Variants in KIF13A observed in about 807,000 individuals in gnomAD.
KIF13A encodes kinesin-like protein KIF13A.
A neutral mutation model predicts 212.2 loss-of-function variants in KIF13A; 79 were observed. The observed-to-expected ratio is 0.37, with a 90% CI of 0.31 to 0.45. The LOEUF is 0.45. KIF13A is among the 20% of genes least tolerant of loss of function. The pLI is 1.00. For missense variants in KIF13A, 1,901 were observed against 2,209.0 expected (o/e 0.86, Z 2.79); for synonymous variants, 789 against 808.6 (o/e 0.98, Z 0.41).
rs1774839373 is a variant in KIF13A at position 17,919,372 on chromosome 6, CAA to C, written c.147-21194_147-21193del. ...TAAAATAAGACCATTGAGAGAATTT[CAA>C]AAGTTATATTAATGTCTGATCCAAC... On this transcript the variant is annotated intron_variant, in intron 2 of 38. Transcript: ENST00000259711. The surrounding 1 kb of genome is among the most constrained non-coding windows in gnomAD (Gnocchi z 4.1). Among the ~76,000 whole-genome samples the C allele has an allele frequency of 6.6e-6, 1 of 152,154 alleles. No individual in the cohort carries two copies. The highest frequency in any genetic ancestry group is 6.5e-5 in the Admixed American group (1 of 15,282).
chr6:17,953,511 G>A (rs935157450), intron 2 of KIF13A: 2 of 152,244 alleles, frequency 1.3e-5, no homozygotes, highest in Non-Finnish European at 2.9e-5. Flanking sequence ...CCTCCACCAA[G>A]TTCAGAGGCA....
At chr6:17,937,156 C>T (rs892659626) in intron 2 of KIF13A, among the ~76,000 whole-genome samples, 11 of 152,078 alleles carry the variant, frequency 7.2e-5, no homozygotes, top group Admixed American at 7.2e-4. Flanking sequence ...CTAGCCTGGG[C>T]GACATAGTGA....
At chr6:17,802,794 G>A (rs1762577497) in intron 20 of KIF13A, among the ~76,000 whole-genome samples, 1 of 151,934 alleles carries the variant, frequency 6.6e-6, no homozygotes, top group South Asian at 2.1e-4. Context: ...CCAGGCTGGG[G>A]TGCATTGGTA....
At chr6:17,964,967 G>C (rs1168738983) in intron 2 of KIF13A, among the ~76,000 whole-genome samples, 3 of 151,952 alleles carry the variant, frequency 2.0e-5, no homozygotes, top group African/African-American at 7.2e-5. Flanking sequence ...GATTACAAGC[G>C]CCTGCCACCA....
chr6:17,938,549 C>T (rs777029854), intron 2 of KIF13A, among the ~76,000 whole-genome samples: 13 of 152,108 alleles, frequency 8.5e-5, no homozygotes, highest in Non-Finnish European at 1.9e-4. Flanking sequence ...TATTATATTG[C>T]GGCAGCCTGG....
In KIF13A at chr6:17,967,073, A is replaced by G. The variant is rs948295738; in HGVS notation, c.146+19981T>C. Among the ~76,000 whole-genome samples, 2 of 152,210 alleles carry G rather than the reference A, an allele frequency of 1.3e-5. No homozygotes were observed. Among genetic ancestry groups the G allele is most frequent in the Non-Finnish European group, 2.9e-5 (2 of 68,052 alleles). The stretch of plus-strand genomic sequence containing the variant: ...ACTCTATTCCCTTTTGGTATTATGC[A>G]CTTTCTCAGGGGAAAAGTAATCCGA... On this transcript the variant is annotated intron_variant, in intron 2 of 38. Transcript: ENST00000259711. This position sits in a 1 kb window ranked among gnomAD's most constrained non-coding sequence, Gnocchi z 4.1.
In KIF13A at chr6:17,968,463, C is replaced by G. The variant is rs998613940; in HGVS notation, c.146+18591G>C. 1.3e-5 allele frequency among the ~76,000 whole-genome samples: 2 copies of G among 152,188 alleles called. No homozygotes were observed. Among genetic ancestry groups the G allele is most frequent in the African/African-American group, 4.8e-5 (2 of 41,442 alleles). On this transcript the variant is annotated intron_variant, in intron 2 of 38. Coordinates refer to ENST00000259711, the MANE Select transcript of KIF13A (RefSeq NM_022113.6). The surrounding 1 kb of genome is among the most constrained non-coding windows in gnomAD (Gnocchi z 4.7). ...TTGGTGTAGGGTCCATTCATCCAGT[C>G]TGGGACCACACACCACCTCTGGGTG...
Position 17,921,435 on chromosome 6 carries a change from G to A in KIF13A, c.147-23255C>T, listed in dbSNP as rs181078530. On this transcript the variant is annotated intron_variant, in intron 2 of 38. Coordinates refer to ENST00000259711, the MANE Select transcript of KIF13A (RefSeq NM_022113.6). ...ATGAAGGAGGAAAAACATACTCAGA[G>A]ACCTACTTTTAAAAATGTCAGAGGA... 1.4e-4 allele frequency among the ~76,000 whole-genome samples: 22 copies of A among 152,326 alleles called. No homozygotes were observed. The East Asian group carries it at 4.2e-3, about 29-fold the overall frequency.
chr6:17,789,991 C>T lies in KIF13A; in HGVS notation c.3223-81G>A. 4 of 1,123,244 alleles carry T rather than the reference C, an allele frequency of 3.6e-6. No homozygotes were observed. The South Asian group carries it at 5.4e-5, about 15-fold the overall frequency. The allele number at this position is 1,123,244 out of a possible 1,614,324, so 69.6% of individuals were successfully genotyped here. A position where few individuals can be genotyped will look rare whatever the true frequency, so the allele number is the denominator to read the frequency against. ...AGGGAAAATAATTATTTAAGCTTAACACACATTAAAATGGACAGCTTACCT... is the reference window on the plus strand; with the variant it reads ...AGGGAAAATAATTATTTAAGCTTAATACACATTAAAATGGACAGCTTACCT... On this transcript the variant is annotated intron_variant, in intron 25 of 38. Transcript: ENST00000259711. The surrounding 1 kb of genome is among the most constrained non-coding windows in gnomAD (Gnocchi z 4.8).
chr6:17,932,777 G>A (rs536130905), intron 2 of KIF13A, among the ~76,000 whole-genome samples: 7 of 150,412 alleles, frequency 4.7e-5, no homozygotes, highest in Non-Finnish European at 1.0e-4. Flanking sequence ...GGGTTGAAGC[G>A]AGGAGGAAGT....
Position 17,862,902 on chromosome 6 carries a change from C to T in KIF13A, c.221-6780G>A, listed in dbSNP as rs796090509. 8.5e-5 allele frequency among the ~76,000 whole-genome samples: 13 copies of T among 152,262 alleles called. 1 individual carries two copies. The highest frequency in any genetic ancestry group is 2.6e-4 in the African/African-American group (11 of 41,546). On this transcript the variant is annotated intron_variant, in intron 4 of 38. Transcript: ENST00000259711. ...GGTGGATGTCGCAGTGAGCCGAAATCGCGCCACTGCACTCCAGCTCAGGCG... is the reference window on the plus strand; with the variant it reads ...GGTGGATGTCGCAGTGAGCCGAAATTGCGCCACTGCACTCCAGCTCAGGCG...
intron 2 of KIF13A, among the ~76,000 whole-genome samples, chr6:17,974,174 C>T (rs908284938): frequency 2.0e-5 from 3 of 152,084 alleles, no homozygotes; most frequent in Admixed American, 6.5e-5. Context: ...CTCCACCTCC[C>T]GGGTTCAAGC....
intron 28 of KIF13A, among the ~76,000 whole-genome samples, chr6:17,784,471 C>A (rs1009283169): frequency 5.3e-5 from 8 of 152,046 alleles, no homozygotes; most frequent in African/African-American, 1.9e-4. Flanking sequence ...GCATCAGAAC[C>A]GCCTCAGAGG....
At chr6:17,770,047 C>T (rs1044486252) in intron 38 of KIF13A, among the ~76,000 whole-genome samples, 3 of 152,130 alleles carry the variant, frequency 2.0e-5, no homozygotes, top group African/African-American at 7.2e-5. Flanking sequence ...CACCCGCACC[C>T]CAAGCACGCA....
rs1761087880 is a variant in KIF13A at position 17,786,701 on chromosome 6, T to C, written c.3362-1060A>G. Among the ~76,000 whole-genome samples, 1 of 152,230 alleles carries C rather than the reference T, an allele frequency of 6.6e-6. No individual in the cohort carries two copies. The highest frequency in any genetic ancestry group is 2.1e-4 in the South Asian group (1 of 4,834). Reference sequence around the variant, plus strand: ...ATCATGAAAGGGATTTTATCTGATATACTTTGAAATCCTCTTATTCATAAT... The same window carrying C: ...ATCATGAAAGGGATTTTATCTGATACACTTTGAAATCCTCTTATTCATAAT... On this transcript the variant is annotated intron_variant, in intron 27 of 38. Coordinates refer to ENST00000259711, the MANE Select transcript of KIF13A (RefSeq NM_022113.6). This position sits in a 1 kb window ranked among gnomAD's most constrained non-coding sequence, Gnocchi z 5.4.
Position 17,866,561 on chromosome 6 carries a change from G to T in KIF13A, c.220+6816C>A, listed in dbSNP as rs1769388382. Among the ~76,000 whole-genome samples the T allele has an allele frequency of 3.3e-5, 5 of 152,198 alleles. No homozygotes were observed. In the South Asian group the frequency reaches 1.0e-3, roughly 32 times the overall value. On this transcript the variant is annotated intron_variant, in intron 4 of 38. Transcript: ENST00000259711. ...TTTTCTTATCTGTAAAATGGGGGCA[G>T]TAATAGTTTCTACCTGACTGGGTGC...
intron 2 of KIF13A, among the ~76,000 whole-genome samples, chr6:17,952,935 A>C (rs1778005230): frequency 6.6e-6 from 1 of 152,124 alleles, no homozygotes; most frequent in African/African-American, 2.4e-5. Flanking sequence ...CTCCAAAAAA[A>C]AAAAAAGAGA....
At position 17,834,319 on chromosome 6, in the gene KIF13A, T is replaced by C. The variant is rs1240409028; in HGVS notation, c.1156-248A>G. 2.0e-5 allele frequency among the ~76,000 whole-genome samples: 3 copies of C among 152,260 alleles called. No homozygotes were observed. Among genetic ancestry groups the C allele is most frequent in the Admixed American group, 6.5e-5 (1 of 15,286 alleles). ...AAATCATTAGTCATTTTATCCATTATACTTAAATTTCACATTTAAAGCCCT... is the reference window on the plus strand; with the variant it reads ...AAATCATTAGTCATTTTATCCATTACACTTAAATTTCACATTTAAAGCCCT... On this transcript the variant is annotated intron_variant, in intron 11 of 38. Coordinates refer to ENST00000259711, the MANE Select transcript of KIF13A (RefSeq NM_022113.6). The surrounding 1 kb of genome is among the most constrained non-coding windows in gnomAD (Gnocchi z 4.0).
intron 2 of KIF13A, among the ~76,000 whole-genome samples, chr6:17,973,193 G>C (rs1779971593): frequency 6.6e-6 from 1 of 152,176 alleles, no homozygotes; most frequent in Admixed American, 6.5e-5. Flanking sequence ...ATATACACTT[G>C]TTGCATAAAA....
Sources: gnomAD v4.1 joint callset for allele counts (sites outside exome capture counted in the v4.1 genomes callset) on GRCh38, gnomAD v4.1.1 for gene constraint, Gnocchi (gnomAD v3.1) non-coding constraint, MANE v1.5 for transcripts, NCBI Gene and HGNC (gene_info 2026-07-23, HGNC 2026-07-21) for gene names.